The following FBXL7 variants were observed in gnomAD, a reference collection of about 807,000 sequenced individuals.
FBXL7 encodes F-box and leucine rich repeat protein 7.
Under a neutral mutation model 38.3 loss-of-function variants are expected in FBXL7, and 12 were observed. That is an observed-to-expected ratio of 0.31 (90% confidence interval 0.20 to 0.51). The LOEUF (loss-of-function observed/expected upper bound fraction) is 0.51. FBXL7 is among the 20% of genes least tolerant of loss of function. The probability of loss-of-function intolerance (pLI) is 0.98; values close to 1 mark genes in which losing one functional copy is unlikely to be tolerated. For synonymous variants in FBXL7, 297 were observed against 300.9 expected (o/e 0.99, Z 0.13); for missense variants, 567 against 676.4 (o/e 0.84, Z 1.79).
intron 2 of FBXL7, among the ~76,000 whole-genome samples, chr5:15,788,030 C>T (rs986687949): frequency 6.6e-6 from 1 of 152,104 alleles, no homozygotes; most frequent in African/African-American, 2.4e-5. Context: ...TCTGGTGGCT[C>T]CTGGCAATTT....
chr5:15,619,599 T>TCTCATGATTTTTTCAC (rs1056551040), intron 2 of FBXL7, among the ~76,000 whole-genome samples: 3 of 152,226 alleles, frequency 2.0e-5, no homozygotes, highest in Admixed American at 6.5e-5. Context: ...TCCTTGAGCT[T>TCTCATGATTTTTTCAC]CTCATGATTT....
chr5:15,667,122 G>A (rs1337605572), intron 2 of FBXL7, among the ~76,000 whole-genome samples: 1 of 152,156 alleles, frequency 6.6e-6, no homozygotes, highest in Admixed American at 6.5e-5. Flanking sequence ...GCATAATATT[G>A]GAAGTTTAGA....
intron 2 of FBXL7, among the ~76,000 whole-genome samples, chr5:15,920,372 C>T (rs12186586): frequency 0.34 from 52,308 of 151,870 alleles, 9,278 homozygotes; most frequent in Admixed American, 0.52. Context: ...AATAAACAAA[C>T]GGTCTCTTTT....
chr5:15,912,384 C>T (rs1443761931), intron 2 of FBXL7, among the ~76,000 whole-genome samples: 2 of 139,402 alleles, frequency 1.4e-5, no homozygotes, highest in Admixed American at 1.4e-4. Flanking sequence ...TGCTTCGGCT[C>T]GCGCACGGTG....
At chr5:15,712,073 A>G (rs1743892153) in intron 2 of FBXL7, among the ~76,000 whole-genome samples, 1 of 152,160 alleles carries the variant, frequency 6.6e-6, no homozygotes, top group Non-Finnish European at 1.5e-5. Context: ...TCACCCGGAG[A>G]TCCCAGAGCT....
intron 1 of FBXL7, among the ~76,000 whole-genome samples, chr5:15,605,660 G>C (rs765173804): frequency 9.2e-5 from 14 of 152,154 alleles, no homozygotes; most frequent in Admixed American, 2.6e-4. Context: ...AAATAGTGAA[G>C]ATGGTTGCAC....
chr5:15,559,456 C>G (rs1738346966), intron 1 of FBXL7, among the ~76,000 whole-genome samples: 1 of 152,090 alleles, frequency 6.6e-6, no homozygotes, highest in South Asian at 2.1e-4. Flanking sequence ...AGTATAATTT[C>G]CTTATATTAC....
intron 1 of FBXL7, among the ~76,000 whole-genome samples, chr5:15,502,859 G>A (rs115201876): frequency 0.046 from 7,000 of 152,162 alleles, 230 homozygotes; most frequent in Non-Finnish European, 0.068. Context: ...GAAAGTAAAA[G>A]CAACCCCTAG....
chr5:15,612,757 A>G (rs1740292677), intron 1 of FBXL7, among the ~76,000 whole-genome samples: 1 of 152,196 alleles, frequency 6.6e-6, no homozygotes, highest in Non-Finnish European at 1.5e-5. Flanking sequence ...ATCTCTTTGT[A>G]GGAGGGAAGG....
In FBXL7 at chr5:15,891,246, A is replaced by T. The variant is rs576344803; in HGVS notation, c.128-36644A>T. ...CTTCAAGTTCTTGCTCAAGTCAGAG[A>T]TGTACCAGTTACTTTTACTACAAGC... On this transcript the variant is annotated intron_variant, in intron 2 of 3. Transcript: ENST00000504595. 9.8e-5 allele frequency among the ~76,000 whole-genome samples: 15 copies of T among 152,336 alleles called. 1 individual carries two copies. Among genetic ancestry groups the T allele is most frequent in the African/African-American group, 3.6e-4 (15 of 41,580 alleles).
intron 2 of FBXL7, among the ~76,000 whole-genome samples, chr5:15,764,966 A>G (rs929350224): frequency 9.8e-5 from 15 of 152,366 alleles, no homozygotes; most frequent in African/African-American, 3.1e-4. Context: ...ACAAATTTCT[A>G]CAAATTTTTT....
At chr5:15,818,743 T>TGTGTGA (rs1394101097) in intron 2 of FBXL7, among the ~76,000 whole-genome samples, 878 of 39,466 alleles carry the variant, frequency 0.022, 4 homozygotes, top group Non-Finnish European at 0.042. Flanking sequence ...TGTGTGTGTG[T>TGTGTGA]GAGAGAGAGA....
At chr5:15,896,091 C>T (rs1052249864) in intron 2 of FBXL7, among the ~76,000 whole-genome samples, 2 of 150,842 alleles carry the variant, frequency 1.3e-5, no homozygotes, top group African/African-American at 4.9e-5. Flanking sequence ...ATGGCAGGAT[C>T]TCAGCTCACT....
intron 2 of FBXL7, among the ~76,000 whole-genome samples, chr5:15,783,185 G>A (rs1271761058): frequency 6.6e-6 from 1 of 152,192 alleles, no homozygotes; most frequent in African/African-American, 2.4e-5. Flanking sequence ...ACTGAACACG[G>A]GTGGTGGAGA....
Position 15,500,728 on chromosome 5 carries a change from C to T in FBXL7, c.37+15C>T, listed in dbSNP as rs547048957. 6.2e-7 allele frequency: 1 copy of T among 1,604,010 alleles called. No homozygotes were observed. Among genetic ancestry groups the T allele is most frequent in the Non-Finnish European group, 8.5e-7 (1 of 1,174,786 alleles). ...CGGCAGTGAGGGTGAGTGGGCCGCC[C>T]GTCCTCAGACTCCCGGATCGCGTCC... On this transcript the variant is annotated intron_variant, in intron 1 of 3. Coordinates refer to ENST00000504595, the MANE Select transcript of FBXL7 (RefSeq NM_012304.5).
At chr5:15,875,187 T>C (rs1740147804) in intron 2 of FBXL7, among the ~76,000 whole-genome samples, 1 of 152,190 alleles carries the variant, frequency 6.6e-6, no homozygotes, top group South Asian at 2.1e-4. Flanking sequence ...TAATAAATGG[T>C]GCTAGGAAAA....
chr5:15,913,358 G>A (rs564805019), intron 2 of FBXL7, among the ~76,000 whole-genome samples: 5 of 151,730 alleles, frequency 3.3e-5, no homozygotes, highest in Middle Eastern at 3.4e-3. Flanking sequence ...ATGCTGGTGC[G>A]CTGCACCCAC....
intron 2 of FBXL7, among the ~76,000 whole-genome samples, chr5:15,879,718 A>C (rs1740361295): frequency 6.6e-6 from 1 of 152,180 alleles, no homozygotes; most frequent in Admixed American, 6.5e-5. Flanking sequence ...TTTCAGATCT[A>C]AACTGAAGGG....
intron 2 of FBXL7, among the ~76,000 whole-genome samples, chr5:15,705,820 A>G (rs1432769383): frequency 1.3e-5 from 2 of 152,156 alleles, no homozygotes; most frequent in Non-Finnish European, 2.9e-5. Context: ...AATGGGTTCA[A>G]TTGATAATCT....
Sources: gnomAD v4.1 joint callset for allele counts (sites outside exome capture counted in the v4.1 genomes callset) on GRCh38, gnomAD v4.1.1 for gene constraint, MANE v1.5 for transcripts, NCBI Gene and HGNC (gene_info 2026-07-23, HGNC 2026-07-21) for gene names.